CHIC2: variants seen among roughly 807,000 people sequenced by gnomAD.
CHIC2 encodes the protein cysteine-rich hydrophobic domain-containing protein 2.
A neutral mutation model predicts 25.9 loss-of-function variants in CHIC2; 14 were observed. That is an observed-to-expected ratio of 0.54 (90% confidence interval 0.36 to 0.85). CHIC2 has a LOEUF of 0.85. Ranked by LOEUF, CHIC2 falls within the 40% of genes least tolerant of loss-of-function variation. The pLI, the probability that CHIC2 is intolerant of heterozygous loss-of-function variation, is 0.01. For synonymous variants in CHIC2, 70 were observed against 72.0 expected, an observed-to-expected ratio of 0.97 and a Z score of 0.14; for missense variants, 146 against 202.0, an observed-to-expected ratio of 0.72 and a Z score of 1.68.
chr4:54,041,848 T>G (rs1327602629), intron 3 of CHIC2, among the ~76,000 whole-genome samples: 1 of 151,860 alleles, frequency 6.6e-6, no homozygotes, highest in African/African-American at 2.4e-5. Context: ...CATCACACAC[T>G]GGGACCTGTC....
chr4:54,024,381 C>G lies in CHIC2; in HGVS notation c.331-10262G>C, dbSNP rs1027784759. The stretch of plus-strand genomic sequence containing the variant: ...ACAGAACACACTCCAATACTTTCAC[C>G]CTGATGAAGTCTTATTCTTTACTTT... On this transcript the variant is annotated intron_variant, in intron 3 of 5. Coordinates refer to ENST00000263921, the MANE Select transcript of CHIC2 (RefSeq NM_012110.4). Among the ~76,000 whole-genome samples, 9 of 152,236 alleles carry G rather than the reference C, an allele frequency of 5.9e-5. No homozygotes were observed. In the South Asian group the frequency reaches 1.9e-3, roughly 32 times the overall value.
At chr4:54,074,007 A>C in the CHIC2 span, among the ~76,000 whole-genome samples, 1 of 152,052 alleles carries the variant, frequency 6.6e-6, no homozygotes. Flanking sequence ...AAAATTCAAA[A>C]ATTAGCCGGG....
intron 3 of CHIC2, among the ~76,000 whole-genome samples, chr4:54,033,778 T>C (rs1232133246): frequency 6.6e-6 from 1 of 152,228 alleles, no homozygotes; most frequent in Non-Finnish European, 1.5e-5. Context: ...CTGTTCTTTC[T>C]TTACTGAATT....
In CHIC2 at chr4:54,032,419, C is replaced by T. The variant is rs371380609; in HGVS notation, c.330+16536G>A. On this transcript the variant is annotated intron_variant, in intron 3 of 5. Transcript: ENST00000263921. ...TGCCTGCGATTGCAGGTGCGCGCCG[C>T]CACGCCTGACTGGTTTTCGTATTTT... Among the ~76,000 whole-genome samples the T allele has an allele frequency of 1.3e-4, 20 of 152,098 alleles. No homozygotes were observed. In the South Asian group the frequency reaches 4.2e-3, roughly 32 times the overall value.
chr4:54,067,377 G>A (rs1577993813), upstream of CHIC2, among the ~76,000 whole-genome samples: 1 of 151,812 alleles, frequency 6.6e-6, no homozygotes, highest in Admixed American at 6.6e-5. Flanking sequence ...AAGGGTGTGG[G>A]ACCTAGGAAG....
chr4:54,035,409 T>G (rs1716355894), intron 3 of CHIC2, among the ~76,000 whole-genome samples: 1 of 152,246 alleles, frequency 6.6e-6, no homozygotes, highest in South Asian at 2.1e-4. Flanking sequence ...AAATTCAATT[T>G]ACTTAATTGA....
intron 1 of CHIC2, chr4:54,060,987 C>T (rs912673688): frequency 6.6e-6 from 1 of 152,076 alleles, no homozygotes; most frequent in Non-Finnish European, 1.5e-5. Flanking sequence ...CACAAGATTT[C>T]CCCATATTGC....
chr4:54,040,282 A>C (rs1716523675), intron 3 of CHIC2, among the ~76,000 whole-genome samples: 1 of 152,226 alleles, frequency 6.6e-6, no homozygotes, highest in Non-Finnish European at 1.5e-5. Flanking sequence ...AAATAACAGA[A>C]CATGCTGGGC....
At chr4:54,015,870 T>C (rs920008891) in intron 3 of CHIC2, among the ~76,000 whole-genome samples, 2 of 152,196 alleles carry the variant, frequency 1.3e-5, no homozygotes, top group African/African-American at 4.8e-5. Context: ...CTCAGGTCTA[T>C]GAAGTTGTAG....
chr4:54,046,998 A>C (rs982905687), intron 3 of CHIC2, among the ~76,000 whole-genome samples: 1 of 152,270 alleles, frequency 6.6e-6, no homozygotes, highest in Non-Finnish European at 1.5e-5. Flanking sequence ...GGATATGAAC[A>C]GACACTTCTC....
the CHIC2 span, among the ~76,000 whole-genome samples, chr4:54,080,114 G>A: frequency 6.8e-6 from 1 of 146,210 alleles, no homozygotes; most frequent in East Asian, 2.0e-4. Flanking sequence ...AGAAAATTTG[G>A]TATATATATA....
At chr4:54,037,678 A>C (rs1716437032) in intron 3 of CHIC2, among the ~76,000 whole-genome samples, 1 of 152,208 alleles carries the variant, frequency 6.6e-6, no homozygotes, top group African/African-American at 2.4e-5. Context: ...AAAATAAAAC[A>C]CATTTAAAAG....
chr4:54,068,920 C>T (rs539891486), upstream of CHIC2, among the ~76,000 whole-genome samples: 22 of 152,362 alleles, frequency 1.4e-4, no homozygotes, highest in Non-Finnish European at 2.8e-4. Flanking sequence ...TCAAGTTCAA[C>T]TAATTTGTTA....
chr4:54,025,708 A>G (rs1716038087), intron 3 of CHIC2, among the ~76,000 whole-genome samples: 1 of 151,896 alleles, frequency 6.6e-6, no homozygotes, highest in Non-Finnish European at 1.5e-5. Flanking sequence ...AAATTACAAA[A>G]ATCAGCCAGG....
At chr4:54,076,107 C>T in the CHIC2 span, among the ~76,000 whole-genome samples, 1 of 151,890 alleles carries the variant, frequency 6.6e-6, no homozygotes, top group Non-Finnish European at 1.5e-5. Context: ...TGCAACATAG[C>T]GAGATCTTGT....
chr4:54,087,399 A>C, the CHIC2 span: 1 of 563,994 alleles, frequency 1.8e-6, no homozygotes, highest in African/African-American at 1.9e-5. Context: ...GCAATTCTAA[A>C]GGAGTATGCA....
At chr4:54,086,685 C>T in the CHIC2 span, among the ~76,000 whole-genome samples, 1 of 152,194 alleles carries the variant, frequency 6.6e-6, no homozygotes, top group Admixed American at 6.5e-5. Flanking sequence ...AGTGAGAAAG[C>T]GGCAGCTAGA....
intron 1 of CHIC2, among the ~76,000 whole-genome samples, chr4:54,050,016 A>G (rs1356747504): frequency 6.6e-6 from 1 of 152,168 alleles, no homozygotes; most frequent in Non-Finnish European, 1.5e-5. Flanking sequence ...GGTAAATATA[A>G]CAAGAAGATA....
In CHIC2 at chr4:54,049,319, T is replaced by G; in HGVS notation, c.120-14A>C. ...CTCAGTCCAAATCTATTTTAAAAAATAAGAAGAATATGTTATTACATGTTA... is the reference window on the plus strand; with the variant it reads ...CTCAGTCCAAATCTATTTTAAAAAAGAAGAAGAATATGTTATTACATGTTA... On this transcript the variant is annotated splice_polypyrimidine_tract_variant and intron_variant, in intron 1 of 5. Coordinates refer to ENST00000263921, the MANE Select transcript of CHIC2 (RefSeq NM_012110.4). The G allele has an allele frequency of 6.5e-7, 1 of 1,531,590 alleles. No homozygotes were observed. Among genetic ancestry groups the G allele is most frequent in the Non-Finnish European group, 9.0e-7 (1 of 1,117,282 alleles). The allele number at this position is 1,531,590 out of a possible 1,614,324, so 94.9% of individuals were successfully genotyped here.
Sources: gnomAD v4.1 joint callset for allele counts (sites outside exome capture counted in the v4.1 genomes callset) on GRCh38, gnomAD v4.1.1 for gene constraint, MANE v1.5 for transcripts, NCBI Gene and HGNC (gene_info 2026-07-23, HGNC 2026-07-21) for gene names.